The following FBXO30 variants were observed in gnomAD, a reference collection of about 807,000 sequenced individuals.
FBXO30 encodes F-box protein 30.
A neutral mutation model predicts 58.1 loss-of-function variants in FBXO30; 21 were observed. That is an observed-to-expected ratio of 0.36 (90% CI 0.26 to 0.52). FBXO30 has a LOEUF of 0.52. FBXO30 is among the 20% of genes least tolerant of loss of function. The pLI, the probability that FBXO30 is intolerant of heterozygous loss-of-function variation, is 0.93. For missense variants in FBXO30, 744 were observed against 897.3 expected (o/e 0.83, Z 2.18); for synonymous variants, 309 against 312.4 (o/e 0.99, Z 0.11).
intron 2 of FBXO30, among the ~76,000 whole-genome samples, chr6:145,801,389 T>C (rs1012935658): frequency 4.6e-5 from 7 of 150,830 alleles, no homozygotes; most frequent in Middle Eastern, 3.4e-3. Context: ...TTATGAGATT[T>C]TGTGTGTGTG....
chr6:145,800,269 C>T lies in FBXO30; in HGVS notation c.2075G>A (p.Trp692Ter). The change falls in exon 3 of 3, where the codon TGG (tryptophan) becomes TAG (stop). Residue 692 changes from tryptophan to a stop codon, truncating the protein, a stop_gained. Coordinates refer to ENST00000237281, the MANE Select transcript of FBXO30 (RefSeq NM_032145.5). LOFTEE classifies it high-confidence loss of function. ...FSTAFCSVNE[W>*]KFADILSMAD... ...CATGCTTAGGATGTCAGCAAATTTC[C>T]ATTCATTAACAGAACAAAATGCAGT... is the stretch of plus-strand genomic sequence containing the variant. The T allele has an allele frequency of 1.2e-6, 2 of 1,612,802 alleles. No homozygotes were observed. The highest frequency in any genetic ancestry group is 1.7e-6 in the Non-Finnish European group (2 of 1,179,198).
chr6:145,794,595 A>T lies in FBXO30; in HGVS notation c.*5511T>A, dbSNP rs28534468. 2.5e-3 allele frequency: 377 copies of T among 152,032 alleles called. 4 individuals are homozygous for T. Among genetic ancestry groups the T allele is most frequent in the African/African-American group, 8.5e-3 (354 of 41,550 alleles). The allele number at this position is 152,032 out of a possible 1,614,324, so 9.4% of individuals were successfully genotyped here. Reference sequence around the variant, plus strand: ...ATTTTATTTAAAATACAGATTTTTTAAAAAGTCATCAATTGATATAAAAGA... The same window carrying T: ...ATTTTATTTAAAATACAGATTTTTTTAAAAGTCATCAATTGATATAAAAGA... On this transcript the variant is annotated 3_prime_UTR_variant, in exon 3 of 3. Coordinates refer to ENST00000237281, the MANE Select transcript of FBXO30 (RefSeq NM_032145.5).
At chr6:145,808,065 G>A (rs1778229202) in intron 1 of FBXO30, among the ~76,000 whole-genome samples, 2 of 152,126 alleles carry the variant, frequency 1.3e-5, no homozygotes, top group Non-Finnish European at 2.9e-5. Context: ...CCAGGAGATT[G>A]AGGCTGCAGT....
rs1212798042 is a variant in FBXO30, at chr6:145,794,794, T to A, written c.*5312A>T. ...TTGAAGAAAAAAATGAAAAAAAATT[T>A]GTTTCTTCACGGGTGAGCTGAGAGA... On this transcript the variant is annotated 3_prime_UTR_variant, in exon 3 of 3. Transcript: ENST00000237281. The A allele has an allele frequency of 6.6e-6, 1 of 151,804 alleles. No homozygotes were observed. Among genetic ancestry groups the A allele is most frequent in the Non-Finnish European group, 1.5e-5 (1 of 67,770 alleles). 9.4% of individuals were successfully genotyped at this position (151,804 alleles called of 1,614,324 possible). A position where few individuals can be genotyped will look rare whatever the true frequency, so the allele number is the denominator to read the frequency against.
intron 1 of FBXO30, chr6:145,809,780 A>C (rs146156331): frequency 2.5e-4 from 38 of 152,318 alleles, no homozygotes; most frequent in African/African-American, 8.9e-4. Context: ...ACCTGGAGGA[A>C]ACTGAGGTTC....
At position 145,801,449 on chromosome 6, in the gene FBXO30, G is replaced by A. The variant is rs184934591; in HGVS notation, c.2035-1140C>T. Among the ~76,000 whole-genome samples the A allele has an allele frequency of 2.6e-4, 40 of 151,870 alleles. No individual in the cohort carries two copies. The East Asian group carries it at 3.9e-3, about 15-fold the overall frequency. ...TGTGTTTTTTAGCTCATCAGTTATC[G>A]TTAGTGTATTTTATGTGTGGCCCAA... On this transcript the variant is annotated intron_variant, in intron 2 of 2. Transcript: ENST00000237281.
In FBXO30 at chr6:145,797,449, CTCTAAGT is replaced by C. The variant is rs964042879; in HGVS notation, c.*2650_*2656del. On this transcript the variant is annotated 3_prime_UTR_variant, in exon 3 of 3. Transcript: ENST00000237281. The stretch of plus-strand genomic sequence containing the variant: ...GGTAGCTGGCATGACCCAGTCTTCC[CTCTAAGT>C]TCTAATACTTTACTGTGCGTTAGAA... 16 of 152,174 alleles carry C rather than the reference CTCTAAGT, an allele frequency of 1.1e-4. No individual in the cohort carries two copies. The highest frequency in any genetic ancestry group is 4.1e-4 in the South Asian group (2 of 4,830). 9.4% of individuals were successfully genotyped at this position (152,174 alleles called of 1,614,324 possible). A position where few individuals can be genotyped will look rare whatever the true frequency, so the allele number is the denominator to read the frequency against.
intron 1 of FBXO30, among the ~76,000 whole-genome samples, chr6:145,812,235 A>G (rs1020571352): frequency 6.6e-6 from 1 of 152,192 alleles, no homozygotes; most frequent in Admixed American, 6.5e-5. Flanking sequence ...CAAAACATAT[A>G]TCTTTCATTT....
rs1026043549 is a variant in FBXO30, at chr6:145,798,810, C to T, written c.*1296G>A. ...ACAAATGTAGGAAGAGAGGACACAA[C>T]AGAGTTTTCACAATTTTAACAAGTA... is the stretch of plus-strand genomic sequence containing the variant. On this transcript the variant is annotated 3_prime_UTR_variant, in exon 3 of 3. Coordinates refer to ENST00000237281, the MANE Select transcript of FBXO30 (RefSeq NM_032145.5). The T allele has an allele frequency of 6.6e-6, 1 of 152,044 alleles. No individual in the cohort carries two copies. The allele number at this position is 152,044 out of a possible 1,614,324, so 9.4% of individuals were successfully genotyped here.
At chr6:145,802,499 T>G (rs1044335993) in intron 2 of FBXO30, among the ~76,000 whole-genome samples, 8 of 152,004 alleles carry the variant, frequency 5.3e-5, no homozygotes, top group African/African-American at 1.9e-4. Context: ...CAGGGAACTG[T>G]AAGTAAATCA....
intron 1 of FBXO30, 135 bp from the exon 2 acceptor site, chr6:145,806,556 T>C: frequency 1.5e-6 from 1 of 675,244 alleles, no homozygotes; most frequent in Non-Finnish European, 2.5e-6. Flanking sequence ...ATAAACATAC[T>C]TAACCAGTTA....
At position 145,794,811 on chromosome 6, in the gene FBXO30, G is replaced by C. The variant is rs1777838173; in HGVS notation, c.*5295C>G. On this transcript the variant is annotated 3_prime_UTR_variant, in exon 3 of 3. Coordinates refer to ENST00000237281, the MANE Select transcript of FBXO30 (RefSeq NM_032145.5). ...AAAAAATTTGTTTCTTCACGGGTGA[G>C]CTGAGAGAGACTTTAAAACAAGCAT... 6.6e-6 allele frequency: 1 copy of C among 151,770 alleles called. No individual in the cohort carries two copies. Among genetic ancestry groups the C allele is most frequent in the East Asian group, 1.9e-4 (1 of 5,190 alleles). 9.4% of individuals were successfully genotyped at this position (151,770 alleles called of 1,614,324 possible).
rs1444416973 is a variant in FBXO30, at chr6:145,794,274, T to C, written c.*5832A>G. The C allele has an allele frequency of 6.6e-6, 1 of 151,974 alleles. No individual in the cohort carries two copies. Among genetic ancestry groups the C allele is most frequent in the Non-Finnish European group, 1.5e-5 (1 of 67,864 alleles). The allele number at this position is 151,974 out of a possible 1,614,324, so 9.4% of individuals were successfully genotyped here. A position where few individuals can be genotyped will look rare whatever the true frequency, so the allele number is the denominator to read the frequency against. The stretch of plus-strand genomic sequence containing the variant: ...TATCCTCCAAAGAATATCACATCTT[T>C]CTGCATTTAAGGTAACAACATTTAT... On this transcript the variant is annotated 3_prime_UTR_variant, in exon 3 of 3. Coordinates refer to ENST00000237281, the MANE Select transcript of FBXO30 (RefSeq NM_032145.5).
At chr6:145,810,583 T>G (rs1249378417) in intron 1 of FBXO30, among the ~76,000 whole-genome samples, 2 of 152,186 alleles carry the variant, frequency 1.3e-5, no homozygotes, top group Admixed American at 1.3e-4. Flanking sequence ...CTTTCAATTT[T>G]CTCTGAGAGA....
At position 145,805,854 on chromosome 6, in the gene FBXO30, T is replaced by C; in HGVS notation, c.552A>G (p.Gln184=). The C allele has an allele frequency of 6.2e-7, 1 of 1,614,062 alleles. No individual in the cohort carries two copies. Among genetic ancestry groups the C allele is most frequent in the Non-Finnish European group, 8.5e-7 (1 of 1,179,986 alleles). The change falls in exon 2 of 3, where the codon CAA becomes CAG. Residue 184 remains glutamine (Q), a synonymous_variant. Coordinates refer to ENST00000237281, the MANE Select transcript of FBXO30 (RefSeq NM_032145.5). ...AACTTCTGGTTGTTTCTACAGTAGC[T>C]TGATAAAGTGCACCATAAGATTCTT... is the stretch of plus-strand genomic sequence containing the variant. ...VDEESYGALY[Q]ATVETTRSLA...
At chr6:145,802,789 T>G (rs1778044197) in intron 2 of FBXO30, among the ~76,000 whole-genome samples, 1 of 152,076 alleles carries the variant, frequency 6.6e-6, no homozygotes, top group South Asian at 2.1e-4. Context: ...CAACTACAGT[T>G]GGGACTGAAC....
chr6:145,813,079 T>G (rs2128668739), intron 1 of FBXO30, among the ~76,000 whole-genome samples: 1 of 152,306 alleles, frequency 6.6e-6, no homozygotes, highest in East Asian at 1.9e-4. Flanking sequence ...ACAGTAAGCA[T>G]TAACCAATGC....
rs372522301 is a variant in FBXO30, at chr6:145,805,465, T to C, written c.941A>G (p.Asn314Ser). Residue 314 changes from asparagine (N) to serine (S), a missense_variant, in exon 2 of 3, where the codon AAT (asparagine) becomes AGT (serine). Asn to Ser is a conservative substitution (Grantham distance 46). Transcript: ENST00000237281. ...HGDSKQSNLT[N>S]GDCVASSDGT... is the part of the protein sequence containing the mutation. Reference sequence around the variant, plus strand: ...ATCTGATGATGCCACACAGTCTCCATTTGTTAAGTTACTTTGTTTTGAATC... The same window carrying C: ...ATCTGATGATGCCACACAGTCTCCACTTGTTAAGTTACTTTGTTTTGAATC... 5 of 1,609,850 alleles carry C rather than the reference T, an allele frequency of 3.1e-6. No homozygotes were observed. The highest frequency in any genetic ancestry group is 4.2e-6 in the Non-Finnish European group (5 of 1,177,606).
Position 145,800,272 on chromosome 6 carries a change from T to G in FBXO30, c.2072A>C (p.Glu691Ala). Residue 691 changes from glutamate to alanine, a missense_variant, in exon 3 of 3, where the codon GAA (glutamate) becomes GCA (alanine). Around this residue, in one of 3 missense-constraint regions of FBXO30, gnomAD observed 334 missense variants for 433.7 expected, o/e 0.77. Transcript: ENST00000237281. ...GCTTAGGATGTCAGCAAATTTCCAT[T>G]CATTAACAGAACAAAATGCAGTACT... ...RFSTAFCSVN[E>A]WKFADILSMA... 6.2e-7 allele frequency: 1 copy of G among 1,612,868 alleles called. No individual in the cohort carries two copies. Among genetic ancestry groups the G allele is most frequent in the Non-Finnish European group, 8.5e-7 (1 of 1,179,212 alleles).
Sources: gnomAD v4.1 joint callset for allele counts (sites outside exome capture counted in the v4.1 genomes callset) on GRCh38, gnomAD v4.1.1 for gene constraint, gnomAD v4.1.1 regional missense constraint, MANE v1.5 for transcripts, NCBI Gene and HGNC (gene_info 2026-07-23, HGNC 2026-07-21) for gene names.